INTS6L: variants seen among roughly 807,000 people sequenced by gnomAD.
The protein encoded by INTS6L is integrator complex subunit 6-like.
INTS6L carries 18 observed loss-of-function variants against 64.7 expected under a neutral mutation model. That is an observed-to-expected ratio of 0.28 (90% CI 0.19 to 0.41). INTS6L has a LOEUF of 0.41. INTS6L is among the 10% of genes least tolerant of loss of function. The pLI is 1.00. For missense variants in INTS6L, 533 were observed against 661.0 expected, an observed-to-expected ratio of 0.81 and a Z score of 2.12; for synonymous variants, 227 against 235.9, an observed-to-expected ratio of 0.96 and a Z score of 0.34.
intron 9 of INTS6L, among the ~76,000 whole-genome samples, chrX:135,557,875 A>G (rs782216235): frequency 2.7e-5 from 3 of 112,369 alleles, no homozygotes; most frequent in African/African-American, 9.7e-5. Flanking sequence ...AGGAGAAAAC[A>G]TTTGCAAATC....
At chrX:135,529,856 T>C (rs1329404672) in intron 2 of INTS6L, among the ~76,000 whole-genome samples, 5 of 112,231 alleles carry the variant, frequency 4.5e-5, no homozygotes, top group African/African-American at 6.5e-5. Context: ...AAAATGTTTA[T>C]TTAGTTTCTC....
chrX:135,551,930 A>T (rs1719178523), intron 7 of INTS6L, 64 bp from the exon 8 acceptor site: 4 of 969,328 alleles, frequency 4.1e-6, no homozygotes, highest in Non-Finnish European at 5.3e-6. Context: ...CAGAATTGTC[A>T]GAAATATAAG....
At chrX:135,540,771 T>A (rs1403242790) in intron 2 of INTS6L, among the ~76,000 whole-genome samples, 1 of 106,904 alleles carries the variant, frequency 9.4e-6, no homozygotes, top group African/African-American at 3.4e-5. Context: ...ACCCCCTTTT[T>A]TTTGAGACAG....
rs1360397558 is a variant in INTS6L at position 135,573,012 on chromosome X, C to T, written c.1596C>T (p.Phe532=). 1 of 1,205,271 alleles carries T rather than the reference C, an allele frequency of 8.3e-7. No individual in the cohort carries two copies. Among genetic ancestry groups the T allele is most frequent in the Non-Finnish European group, 1.1e-6 (1 of 891,894 alleles). Reference sequence around the variant, plus strand: ...TGAACACCAAAGAATTTGCTGGCTTCCAAATTGGGCTCTTAAACAAGGTAA... The same window carrying T: ...TGAACACCAAAGAATTTGCTGGCTTTCAAATTGGGCTCTTAAACAAGGTAA... The part of the protein sequence containing the change: ...TELNTKEFAG[F]QIGLLNKDLK... The change falls in exon 12 of 18, where the codon TTC becomes TTT. Residue 532 remains phenylalanine (F), a synonymous_variant. Transcript: ENST00000639893.
rs1556529233 is a variant in INTS6L at position 135,573,953 on chromosome X, G to C, written c.1632G>C (p.Gln544His). Residue 544 changes from glutamine (Q) to histidine (H), a missense_variant, in exon 13 of 18, where the codon CAG (glutamine) becomes CAC (histidine). Transcript: ENST00000639893. ...ATTTCAAATAGGATTTGAAACCTCA[G>C]ACATACAGAAATGCTTATGATATTC... The part of the protein sequence containing the change: ...IGLLNKDLKP[Q>H]TYRNAYDIPR... 8.3e-7 allele frequency: 1 copy of C among 1,198,239 alleles called. No homozygotes were observed. Among genetic ancestry groups the C allele is most frequent in the Non-Finnish European group, 1.1e-6 (1 of 890,926 alleles).
chrX:135,560,949 T>C (rs1386172903), intron 9 of INTS6L, among the ~76,000 whole-genome samples: 1 of 72,577 alleles, frequency 1.4e-5, no homozygotes, highest in Non-Finnish European at 2.6e-5. Flanking sequence ...TTTTTTTTTT[T>C]CTTTTCTTTC....
At chrX:135,577,086 G>C in intron 14 of INTS6L, 107 bp from the exon 15 acceptor site, 1 of 712,044 alleles carries the variant, frequency 1.4e-6, no homozygotes, top group East Asian at 3.2e-5. Context: ...AGACATATTC[G>C]TGATATAATG....
chrX:135,538,014 G>A (rs1470911134), intron 2 of INTS6L, among the ~76,000 whole-genome samples: 1 of 112,736 alleles, frequency 8.9e-6, no homozygotes, highest in Non-Finnish European at 1.9e-5. Flanking sequence ...TTGCCTTGAT[G>A]TTGATGGCTG....
chrX:135,558,043 A>T (rs1436068280), intron 9 of INTS6L, among the ~76,000 whole-genome samples: 1 of 112,534 alleles, frequency 8.9e-6, no homozygotes, highest in African/African-American at 3.2e-5. Flanking sequence ...TAACAAGCAT[A>T]TCAAGAGATG....
intron 9 of INTS6L, among the ~76,000 whole-genome samples, chrX:135,559,536 G>A (rs782043524): frequency 2.6e-4 from 29 of 111,945 alleles, no homozygotes; most frequent in Non-Finnish European, 7.5e-5. Flanking sequence ...TTCTCCACCT[G>A]TTCACCTGTT....
At chrX:135,564,368 G>A (rs907232200) in intron 9 of INTS6L, among the ~76,000 whole-genome samples, 4 of 110,181 alleles carry the variant, frequency 3.6e-5, no homozygotes, top group Non-Finnish European at 5.7e-5. Context: ...TATGATGGCC[G>A]CTTTAAATTG....
At chrX:135,521,369 G>A in intron 2 of INTS6L, 51 bp downstream of exon 2, 3 of 1,136,947 alleles carry the variant, frequency 2.6e-6, no homozygotes, top group Non-Finnish European at 3.6e-6. Context: ...GCAAGTCGGC[G>A]GGGGCTGCTT....
Position 135,554,985 on chromosome X carries a change from G to T in INTS6L, c.1060-1183G>T, listed in dbSNP as rs557300611. Among the ~76,000 whole-genome samples the T allele has an allele frequency of 2.4e-4, 23 of 93,945 alleles. No homozygotes were observed. In the South Asian group the frequency reaches 0.013, roughly 53 times the overall value. 81.6% of individuals were successfully genotyped at this position (93,945 alleles called of 115,157 possible). On this transcript the variant is annotated intron_variant, in intron 8 of 17. Transcript: ENST00000639893. ...AGCTCACTGCAACCTCCACCTCCTGGGTTCAAGTGATTCTGCTGCCCAGCC... is the reference window on the plus strand; with the variant it reads ...AGCTCACTGCAACCTCCACCTCCTGTGTTCAAGTGATTCTGCTGCCCAGCC...
rs782034069 is a variant in INTS6L at position 135,556,304 on chromosome X, A to G, written c.1192+4A>G. 1 of 1,152,444 alleles carries G rather than the reference A, an allele frequency of 8.7e-7. No individual in the cohort carries two copies. The highest frequency in any genetic ancestry group is 1.2e-6 in the Non-Finnish European group (1 of 869,051). 95.0% of individuals were successfully genotyped at this position (1,152,444 alleles called of 1,213,427 possible). On this transcript the variant is annotated splice_donor_region_variant and intron_variant, in intron 9 of 17. Coordinates refer to ENST00000639893, the MANE Select transcript of INTS6L (RefSeq NM_001351601.3). The stretch of plus-strand genomic sequence containing the variant: ...CCAGTTTTACTTCCTCTTTTAGGTA[A>G]GTAAAACATGTGCCACTGAATCATC...
At chrX:135,543,858 A>G (rs1262314899) in intron 2 of INTS6L, among the ~76,000 whole-genome samples, 1 of 112,215 alleles carries the variant, frequency 8.9e-6, no homozygotes, top group Non-Finnish European at 1.9e-5. Context: ...TTGGGCCATA[A>G]AGAGTTATTC....
chrX:135,536,580 C>T (rs1364504341), intron 2 of INTS6L, among the ~76,000 whole-genome samples: 4 of 111,726 alleles, frequency 3.6e-5, no homozygotes, highest in African/African-American at 1.3e-4. Flanking sequence ...ACATCCCCTT[C>T]GAGGACAGTT....
chrX:135,533,811 G>C (rs1014963277), intron 2 of INTS6L, among the ~76,000 whole-genome samples: 3 of 112,071 alleles, frequency 2.7e-5, no homozygotes, highest in African/African-American at 9.7e-5. Flanking sequence ...GTCCATAAAT[G>C]AGCCAAAATG....
intron 2 of INTS6L, among the ~76,000 whole-genome samples, chrX:135,536,610 T>C (rs925521363): frequency 3.6e-5 from 4 of 111,783 alleles, no homozygotes; most frequent in Non-Finnish European, 7.5e-5. Context: ...TTATCTCTTT[T>C]ACTTGTTCTT....
rs1480905775 is a variant in INTS6L at position 135,582,448 on chromosome X, G to A, written c.*812G>A. 1 of 112,204 alleles carries A rather than the reference G, an allele frequency of 8.9e-6. No homozygotes were observed. The highest frequency in any genetic ancestry group is 1.9e-5 in the Non-Finnish European group (1 of 53,233). 9.2% of individuals were successfully genotyped at this position (112,204 alleles called of 1,213,427 possible). On this transcript the variant is annotated 3_prime_UTR_variant, in exon 18 of 18. Coordinates refer to ENST00000639893, the MANE Select transcript of INTS6L (RefSeq NM_001351601.3). ...TGTATGAATTTGCAAAAATTAAAGT[G>A]TACAAAGAGATTTTGATTTTGCATA...
Sources: allele counts gnomAD v4.1 joint callset (sites outside exome capture counted in the v4.1 genomes callset), GRCh38; gene constraint gnomAD v4.1.1; transcripts MANE v1.5; gene names NCBI Gene and HGNC (gene_info 2026-07-23, HGNC 2026-07-21).